The following PSORS1C1 variants were observed in gnomAD, a reference collection of about 807,000 sequenced individuals.
The protein encoded by PSORS1C1 is psoriasis susceptibility 1 candidate 1, also known as psoriasis susceptibility 1 candidate gene 1 protein.
A neutral mutation model predicts 9.4 loss-of-function variants in PSORS1C1; 7 were observed. The ratio of observed to expected loss-of-function variants is 0.75; its 90% CI spans 0.42 to 1.40. The LOEUF is 1.40. PSORS1C1 is among the 40% of genes most tolerant of loss of function. The pLI, the probability that PSORS1C1 is intolerant of heterozygous loss-of-function variation, is 0.01. For missense variants in PSORS1C1, 146 were observed against 178.1 expected (o/e 0.82, Z 1.02); for synonymous variants, 63 against 69.4 (o/e 0.91, Z 0.46).
intron 1 of PSORS1C1, among the ~76,000 whole-genome samples, chr6:31,122,298 C>A (rs1302092141): frequency 6.6e-6 from 1 of 152,176 alleles, no homozygotes; most frequent in African/African-American, 2.4e-5. Context: ...GCAAATGGAG[C>A]CCTGCAGGTG....
At chr6:31,125,993 C>A (rs965183870) in intron 2 of PSORS1C1, among the ~76,000 whole-genome samples, 154 bp downstream of exon 2, 22 of 150,800 alleles carry the variant, frequency 1.5e-4, no homozygotes, top group African/African-American at 5.1e-4. Context: ...CCTGTGCCCA[C>A]CCCCCACCCC....
intron 2 of PSORS1C1, among the ~76,000 whole-genome samples, chr6:31,127,740 G>T (rs1562764938): frequency 1.3e-5 from 2 of 151,918 alleles, no homozygotes; most frequent in East Asian, 3.9e-4. Flanking sequence ...CTTGAACCCG[G>T]GAGGTAGAGG....
rs767951305 is a variant in PSORS1C1 at position 31,137,945 on chromosome 6, A to T, written c.14-485A>T. On this transcript the variant is annotated intron_variant, in intron 3 of 5. Coordinates refer to ENST00000259881, the MANE Select transcript of PSORS1C1 (RefSeq NM_014068.3). ...GCCTGGGAACAGAACGGCTGAGGGG[A>T]CTCCATTATCTGTACTCTTCCCGGG... 1.0e-5 allele frequency: 14 copies of T among 1,400,702 alleles called. No individual in the cohort carries two copies. The South Asian group carries it at 2.2e-4, about 22-fold the overall frequency. 86.8% of individuals were successfully genotyped at this position (1,400,702 alleles called of 1,614,324 possible).
intron 1 of PSORS1C1, chr6:31,120,589 C>T (rs1298141920): frequency 4.5e-6 from 3 of 668,470 alleles, no homozygotes; most frequent in East Asian, 5.4e-5. Flanking sequence ...GTAATCAGCC[C>T]GGTGCATCTG....
intron 3 of PSORS1C1, among the ~76,000 whole-genome samples, chr6:31,132,308 G>C (rs1345037334): frequency 6.6e-6 from 1 of 152,176 alleles, no homozygotes; most frequent in African/African-American, 2.4e-5. Context: ...GATCACCTGA[G>C]GTCAGGAGTT....
intron 1 of PSORS1C1, among the ~76,000 whole-genome samples, chr6:31,120,677 C>T (rs946618683): frequency 6.6e-6 from 1 of 152,124 alleles, no homozygotes; most frequent in Admixed American, 6.5e-5. Context: ...ACCTGACAGG[C>T]CTGGCCCCGG....
At position 31,115,960 on chromosome 6, in the gene PSORS1C1, C is replaced by T; in HGVS notation, c.-229+1069C>T. The stretch of plus-strand genomic sequence containing the variant: ...CTATGCCTGGGCACTGGACTTCTCC[C>T]ATATGGGATATAGTGTATGTGCTTG... On this transcript the variant is annotated intron_variant, in intron 1 of 5. Transcript: ENST00000259881. This position sits in a 1 kb window ranked among gnomAD's most constrained non-coding sequence, Gnocchi z 4.2. 1 of 1,433,780 alleles carries T rather than the reference C, an allele frequency of 7.0e-7. No homozygotes were observed. Among genetic ancestry groups the T allele is most frequent in the Non-Finnish European group, 9.8e-7 (1 of 1,020,730 alleles). 88.8% of individuals were successfully genotyped at this position (1,433,780 alleles called of 1,614,324 possible). A position where few individuals can be genotyped will look rare whatever the true frequency, so the allele number is the denominator to read the frequency against.
At chr6:31,131,689 T>TACATCA (rs1357710776) in intron 3 of PSORS1C1, among the ~76,000 whole-genome samples, 1 of 151,944 alleles carries the variant, frequency 6.6e-6, no homozygotes. Context: ...GAAATCCCAG[T>TACATCA]TCTGCCATTT....
intron 3 of PSORS1C1, among the ~76,000 whole-genome samples, chr6:31,130,637 G>A (rs1291345864): frequency 1.3e-5 from 2 of 151,962 alleles, no homozygotes; most frequent in Non-Finnish European, 2.9e-5. Flanking sequence ...TCCTGACCTC[G>A]CGATCCGCCC....
rs1343580566 is a variant in PSORS1C1 at position 31,125,659 on chromosome 6, T to A, written c.-228-17T>A. The A allele has an allele frequency of 6.6e-6, 1 of 152,334 alleles. No individual in the cohort carries two copies. The highest frequency in any genetic ancestry group is 2.4e-5 in the African/African-American group (1 of 41,442). 9.4% of individuals were successfully genotyped at this position (152,334 alleles called of 1,614,324 possible). A position where few individuals can be genotyped will look rare whatever the true frequency, so the allele number is the denominator to read the frequency against. On this transcript the variant is annotated splice_polypyrimidine_tract_variant and intron_variant, in intron 1 of 5. Coordinates refer to ENST00000259881, the MANE Select transcript of PSORS1C1 (RefSeq NM_014068.3). ...TGTTGGGAATACCCCCTCACTTCTG[T>A]GGCTTCTTTCCTGTAGTAGACGATC...
At position 31,115,523 on chromosome 6, in the gene PSORS1C1, A is replaced by C; in HGVS notation, c.-229+632A>C. 6.0e-6 allele frequency: 1 copy of C among 167,100 alleles called. No homozygotes were observed. The highest frequency in any genetic ancestry group is 1.3e-5 in the Non-Finnish European group (1 of 76,234). The allele number at this position is 167,100 out of a possible 1,614,324, so 10.4% of individuals were successfully genotyped here. A position where few individuals can be genotyped will look rare whatever the true frequency, so the allele number is the denominator to read the frequency against. ...ATTGGGAGCGAGAGCCCAGTGGCAT[A>C]TTGGGTGGGTTGACTAGATGTCGAA... On this transcript the variant is annotated intron_variant, in intron 1 of 5. Transcript: ENST00000259881. This position sits in a 1 kb window ranked among gnomAD's most constrained non-coding sequence, Gnocchi z 4.2.
chr6:31,123,282 G>A (rs1772543694), intron 1 of PSORS1C1, among the ~76,000 whole-genome samples: 1 of 152,214 alleles, frequency 6.6e-6, no homozygotes, highest in Non-Finnish European at 1.5e-5. Context: ...GTGGGCCCTT[G>A]AGCTCTAATC....
At chr6:31,116,030 G>A (rs775263614) in intron 1 of PSORS1C1, 2 of 1,609,858 alleles carry the variant, frequency 1.2e-6, no homozygotes, top group South Asian at 2.2e-5. Context: ...ACTTCTTATG[G>A]ACTGTTGAGT....
chr6:31,131,061 G>A (rs1269398713), intron 3 of PSORS1C1, among the ~76,000 whole-genome samples: 1 of 151,828 alleles, frequency 6.6e-6, no homozygotes, highest in Non-Finnish European at 1.5e-5. Context: ...TTCTGATAGA[G>A]GAGAGAGACT....
At position 31,114,881 on chromosome 6, in the gene PSORS1C1, G is replaced by A. The variant is rs993680772; in HGVS notation, c.-239G>A. 1 of 451,950 alleles carries A rather than the reference G, an allele frequency of 2.2e-6. No homozygotes were observed. Among genetic ancestry groups the A allele is most frequent in the South Asian group, 1.6e-5 (1 of 64,004 alleles). 28.0% of individuals were successfully genotyped at this position (451,950 alleles called of 1,614,324 possible). On this transcript the variant is annotated 5_prime_UTR_variant, in exon 1 of 6. Transcript: ENST00000259881. ...AGACTCATGACTCCCAGAGAGGATG[G>A]CATCTAGAAGGTGAGGAATGCTAAT...
chr6:31,137,781 G>C (rs1773219725), intron 3 of PSORS1C1: 1 of 418,226 alleles, frequency 2.4e-6, no homozygotes, highest in Non-Finnish European at 4.2e-6. Context: ...TCTCAGGAGG[G>C]GACAGGAAAT....
Position 31,120,385 on chromosome 6 carries a change from A to G in PSORS1C1, c.-228-5291A>G, listed in dbSNP as rs1193852051. ...CAGTGCCATCATCCCGTGCCCACCC[A>G]CACGCCCCATCCAGGGTGCCCGAGA... On this transcript the variant is annotated intron_variant, in intron 1 of 5. Coordinates refer to ENST00000259881, the MANE Select transcript of PSORS1C1 (RefSeq NM_014068.3). 5.6e-6 allele frequency: 9 copies of G among 1,593,710 alleles called. No homozygotes were observed. The highest frequency in any genetic ancestry group is 1.3e-5 in the African/African-American group (1 of 74,374).
chr6:31,129,244 A>C (rs1214314615), intron 2 of PSORS1C1, among the ~76,000 whole-genome samples: 2 of 152,070 alleles, frequency 1.3e-5, no homozygotes, highest in African/African-American at 4.8e-5. Flanking sequence ...TTGTTCTGTA[A>C]ATCTGTGATC....
rs57616483 is a variant in PSORS1C1 at position 31,134,595 on chromosome 6, G to A, written c.14-3835G>A. Reference sequence around the variant, plus strand: ...GCTGGGATTACAGGCGTGAGCCACCGCGCCTGGCCTCTCATATGTAGTTTT... The same window carrying A: ...GCTGGGATTACAGGCGTGAGCCACCACGCCTGGCCTCTCATATGTAGTTTT... On this transcript the variant is annotated intron_variant, in intron 3 of 5. Coordinates refer to ENST00000259881, the MANE Select transcript of PSORS1C1 (RefSeq NM_014068.3). Among the ~76,000 whole-genome samples, 1,739 of 150,868 alleles carry A rather than the reference G, an allele frequency of 0.012. 80 individuals are homozygous for A. In the East Asian group the frequency reaches 0.15, roughly 13 times the overall value.
Sources: gnomAD v4.1 joint callset for allele counts (sites outside exome capture counted in the v4.1 genomes callset) on GRCh38, gnomAD v4.1.1 for gene constraint, Gnocchi (gnomAD v3.1) non-coding constraint, MANE v1.5 for transcripts, NCBI Gene and HGNC (gene_info 2026-07-23, HGNC 2026-07-21) for gene names.